The following POLRMT variants were observed in gnomAD, a reference collection of about 807,000 sequenced individuals.
POLRMT encodes DNA-directed RNA polymerase, mitochondrial.
Under a neutral mutation model 132.2 loss-of-function variants are expected in POLRMT, and 114 were observed. The observed-to-expected ratio is 0.86, with a 90% confidence interval of 0.74 to 1.01. The LOEUF (loss-of-function observed/expected upper bound fraction) is 1.01, where lower values mean the gene tolerates loss of function less well. Ranked by LOEUF, POLRMT falls within the 50% of genes least tolerant of loss-of-function variation. The pLI is 0.00. For synonymous variants in POLRMT, 1,020 were observed against 773.4 expected (o/e 1.32, Z -5.29); for missense variants, 2,003 against 1,729.1 (o/e 1.16, Z -2.81).
At chr19:619,448 G>T in intron 13 of POLRMT, 138 bp downstream of exon 13, 3 of 1,381,320 alleles carry the variant, frequency 2.2e-6, no homozygotes, top group South Asian at 1.3e-5. Context: ...AGCAAGAAAC[G>T]CCCAAGCCCT....
In POLRMT at chr19:622,982, T is replaced by C. The variant is rs1361935044; in HGVS notation, c.1294A>G (p.Lys432Glu). Residue 432 changes from lysine to glutamate, a missense_variant, in exon 7 of 21, where the codon AAG becomes GAG. Coordinates refer to ENST00000588649, the MANE Select transcript of POLRMT (RefSeq NM_005035.4). ...TGGTCCCGCAGGGTCTTCAGGGTCT[T>C]CCGCTGCGGGGGATGAACGGGCCCG... ...LPSKEVKHAR[K>E]TLKTLRDQWE... The C allele has an allele frequency of 6.2e-7, 1 of 1,612,262 alleles. No homozygotes were observed. Among genetic ancestry groups the C allele is most frequent in the East Asian group, 2.2e-5 (1 of 44,858 alleles).
chr19:624,432 C>T (rs569124706), intron 5 of POLRMT, among the ~76,000 whole-genome samples: 1 of 152,182 alleles, frequency 6.6e-6, no homozygotes, highest in Admixed American at 6.5e-5. Context: ...AACAGACGAG[C>T]CCACTGCGTG....
intron 1 of POLRMT, 171 bp from the exon 2 acceptor site, chr19:633,109 C>T (rs1985549382): frequency 3.2e-6 from 2 of 625,454 alleles, no homozygotes; most frequent in Admixed American, 3.5e-5. Flanking sequence ...AAGGGCCCCG[C>T]CGCGGCGAAC....
chr19:622,502 G>A lies in POLRMT; in HGVS notation c.1626+80C>T, dbSNP rs114342824. 4.2e-3 allele frequency: 6,311 copies of A among 1,490,900 alleles called. 223 individuals are homozygous for A. The African/African-American group carries it at 0.076, about 18-fold the overall frequency. The allele number at this position is 1,490,900 out of a possible 1,614,324, so 92.4% of individuals were successfully genotyped here. A position where few individuals can be genotyped will look rare whatever the true frequency, so the allele number is the denominator to read the frequency against. ...CAGATGAACAGACTGAAGCTTGGGT[G>A]CAAACCCGGCTGCTCCAGGGAGGGA... On this transcript the variant is annotated intron_variant, in intron 8 of 20. Coordinates refer to ENST00000588649, the MANE Select transcript of POLRMT (RefSeq NM_005035.4).
At position 621,017 on chromosome 19, in the gene POLRMT, G is replaced by C. The variant is rs1480949999; in HGVS notation, c.2640+41C>G. 8.6e-6 allele frequency: 9 copies of C among 1,043,246 alleles called. 2 individuals are homozygous for C. The highest frequency in any genetic ancestry group is 1.1e-5 in the Non-Finnish European group (9 of 828,564). The allele number at this position is 1,043,246 out of a possible 1,614,324, so 64.6% of individuals were successfully genotyped here. ...GCGGGGGCGCCGGGGGAGGGCGCGGGGGTGCCGGGAGGGCGGGGAATGCGG... is the reference window on the plus strand; with the variant it reads ...GCGGGGGCGCCGGGGGAGGGCGCGGCGGTGCCGGGAGGGCGGGGAATGCGG... On this transcript the variant is annotated intron_variant, in intron 10 of 20. Transcript: ENST00000588649.
In POLRMT at chr19:632,924, C is replaced by T. The variant is rs760571412; in HGVS notation, c.103G>A (p.Val35Ile). The T allele has an allele frequency of 3.3e-6, 5 of 1,517,448 alleles. No individual in the cohort carries two copies. In the South Asian group the frequency reaches 4.9e-5, roughly 15 times the overall value. 94.0% of individuals were successfully genotyped at this position (1,517,448 alleles called of 1,614,324 possible). A position where few individuals can be genotyped will look rare whatever the true frequency, so the allele number is the denominator to read the frequency against. Residue 35 changes from valine (V) to isoleucine (I), a missense_variant, in exon 2 of 21, where the codon GTC becomes ATC. By Grantham distance (29) the Val-to-Ile change is conservative. Coordinates refer to ENST00000588649, the MANE Select transcript of POLRMT (RefSeq NM_005035.4). ...GACGAGCTCCTCCTGGGGCCGCAGACGCCACCGGCGGTCCCTGCGGGAAAG... is the reference window on the plus strand; with the variant it reads ...GACGAGCTCCTCCTGGGGCCGCAGATGCCACCGGCGGTCCCTGCGGGAAAG... ...LPGKEGTAGG[V>I]CGPRRSSSAS...
intron 17 of POLRMT, chr19:618,068 CCT>C (rs1239628950): frequency 1.5e-5 from 9 of 585,890 alleles, no homozygotes; most frequent in African/African-American, 3.7e-5. Context: ...TCGCCCCACC[CCT>C]GCCGCCCCCC....
rs78517836 is a variant in POLRMT, at chr19:620,373, C to T, written c.2755G>A (p.Val919Ile). 3.2e-6 allele frequency: 5 copies of T among 1,576,428 alleles called. No homozygotes were observed. The East Asian group carries it at 1.2e-4, about 37-fold the overall frequency. Residue 919 changes from valine (V) to isoleucine (I), a missense_variant, in exon 11 of 21, where the codon GTC (valine) becomes ATC (isoleucine). By Grantham distance (29) the Val-to-Ile change is conservative (BLOSUM62 3). Coordinates refer to ENST00000588649, the MANE Select transcript of POLRMT (RefSeq NM_005035.4). ...AGACCCAGCTGGCTCACCTGATGGACGGGGAGGTGGGAGACATAGGCGGCA... is the reference window on the plus strand; with the variant it reads ...AGACCCAGCTGGCTCACCTGATGGATGGGGAGGTGGGAGACATAGGCGGCA... Reference protein sequence around the residue: ...DPAAYVSHLPVHQDGSCNGLQ... With the variant: ...DPAAYVSHLPIHQDGSCNGLQ...
chr19:619,720 C>G lies in POLRMT; in HGVS notation c.2932G>C (p.Ala978Pro). The G allele has an allele frequency of 1.2e-6, 2 of 1,603,416 alleles. No homozygotes were observed. Among genetic ancestry groups the G allele is most frequent in the East Asian group, 4.5e-5 (2 of 44,764 alleles). Residue 978 changes from alanine to proline, a missense_variant, in exon 13 of 21, where the codon GCA becomes CCA. Transcript: ENST00000588649. ...GTGATGAAACCTTCCAGCACCTGTG[C>G]CACCCGCATGCCCCGCTGGGCGTCC... ...RQDAQRGMRV[A>P]QVLEGFITRK...
At position 617,231 on chromosome 19, in the gene POLRMT, G is replaced by A. The variant is rs769996691; in HGVS notation, c.*43C>T. On this transcript the variant is annotated 3_prime_UTR_variant, in exon 21 of 21. Transcript: ENST00000588649. ...CCTGAAGACAGTGGCTCCTGGGGGT[G>A]GCAAAAGAGCTTTATTTACACACTG... The A allele has an allele frequency of 1.4e-5, 23 of 1,606,314 alleles. No homozygotes were observed. The highest frequency in any genetic ancestry group is 8.5e-7 in the Non-Finnish European group (1 of 1,175,246).
At chr19:625,455 C>T (rs1600582232) in intron 3 of POLRMT, 5 of 605,220 alleles carry the variant, frequency 8.3e-6, no homozygotes, top group Admixed American at 6.8e-5. Context: ...CCGCATGGCC[C>T]GCCAGGTGGG....
chr19:625,049 C>A (rs1984923759), intron 4 of POLRMT, 75 bp downstream of exon 4: 1 of 1,538,472 alleles, frequency 6.5e-7, no homozygotes, highest in African/African-American at 1.4e-5. Context: ...CAGCCCCCAG[C>A]CCAGGCACCG....
intron 10 of POLRMT, 84 bp downstream of exon 10, chr19:620,974 G>C (rs1317274668): frequency 1.2e-6 from 1 of 834,576 alleles, no homozygotes; most frequent in African/African-American, 2.7e-5. Context: ...AGGGGGCGCG[G>C]GGGCGCCGGG....
At chr19:620,657 G>C (rs553046758) in intron 10 of POLRMT, among the ~76,000 whole-genome samples, 170 bp from the exon 11 acceptor site, 2 of 150,348 alleles carry the variant, frequency 1.3e-5, no homozygotes, top group Non-Finnish European at 3.0e-5. Context: ...GTTCTCCATA[G>C]CCACGGATGG....
chr19:618,742 GAAT>G lies in POLRMT; in HGVS notation c.3283_3285del (p.Ile1095del). 4 of 1,605,568 alleles carry G rather than the reference GAAT, an allele frequency of 2.5e-6. No individual in the cohort carries two copies. The highest frequency in any genetic ancestry group is 3.4e-6 in the Non-Finnish European group (4 of 1,176,600). On this transcript the variant is annotated inframe_deletion, in exon 16 of 21. Transcript: ENST00000588649. ...CCGTTGTGGGTGTAGGTGATGCTCT[GAAT>G]TCCACCTCCTATTTGCTAAAAAGGG...
Position 617,412 on chromosome 19 carries a change from C to A in POLRMT, c.3643+7G>T, listed in dbSNP as rs370681082. On this transcript the variant is annotated splice_region_variant and intron_variant, in intron 20 of 20. Transcript: ENST00000588649. ...AGCCACCCTTGCGAGGCTGCCCACC[C>A]GCCTACCTGGCTTGGGCACCGCCTG... 3.9e-5 allele frequency: 63 copies of A among 1,612,198 alleles called. No homozygotes were observed. The highest frequency in any genetic ancestry group is 1.7e-4 in the Middle Eastern group (1 of 5,900).
chr19:628,854 A>C (rs1225838768), intron 3 of POLRMT, among the ~76,000 whole-genome samples: 2 of 152,124 alleles, frequency 1.3e-5, no homozygotes, highest in Admixed American at 1.3e-4. Flanking sequence ...AAATACAAAA[A>C]TTAATCGGGG....
At chr19:619,177 G>C (rs1257488999) in intron 14 of POLRMT, 33 bp downstream of exon 14, 1 of 1,610,320 alleles carries the variant, frequency 6.2e-7, no homozygotes, top group African/African-American at 1.3e-5. Context: ...TGCTTAGGGA[G>C]TCCTGGCCGA....
chr19:621,674 T>A lies in POLRMT; in HGVS notation c.2024A>T (p.Glu675Val). 2.6e-6 allele frequency: 4 copies of A among 1,563,288 alleles called. No homozygotes were observed. The highest frequency in any genetic ancestry group is 3.5e-6 in the Non-Finnish European group (4 of 1,157,356). ...CAGCTCCTGGTGCTGCGTGGCGCCTTCCACCGTGCGCATCAGCTTGGTGGG... is the reference window on the plus strand; with the variant it reads ...CAGCTCCTGGTGCTGCGTGGCGCCTACCACCGTGCGCATCAGCTTGGTGGG... ...LSPTKLMRTVEGATQHQELLE... is the reference protein window; with the variant it reads ...LSPTKLMRTVVGATQHQELLE... The change falls in exon 10 of 21, where the codon GAA becomes GTA. Residue 675 changes from glutamate (E) to valine (V), a missense_variant. Glu to Val is a moderately radical substitution (Grantham distance 121). Transcript: ENST00000588649.
Sources: gnomAD v4.1 joint callset for allele counts (sites outside exome capture counted in the v4.1 genomes callset) on GRCh38, gnomAD v4.1.1 for gene constraint, MANE v1.5 for transcripts, NCBI Gene and HGNC (gene_info 2026-07-23, HGNC 2026-07-21) for gene names.